HDAC2: variants seen among roughly 807,000 people sequenced by gnomAD.
The protein encoded by HDAC2 is histone deacetylase 2.
Under a neutral mutation model 68.5 loss-of-function variants are expected in HDAC2, and 5 were observed. The observed-to-expected ratio is 0.07, with a 90% CI of 0.04 to 0.15. The LOEUF is 0.15. HDAC2 is among the 10% of genes least tolerant of loss of function. The probability of loss-of-function intolerance (pLI) is 1.00; values close to 1 mark genes in which losing one functional copy is unlikely to be tolerated. For missense variants in HDAC2, 291 were observed against 600.8 expected, an observed-to-expected ratio of 0.48 and a Z score of 5.39; for synonymous variants, 182 against 191.3, an observed-to-expected ratio of 0.95 and a Z score of 0.40.
intron 1 of HDAC2, among the ~76,000 whole-genome samples, 174 bp from the exon 2 acceptor site, chr6:113,960,192 C>T (rs1225152006): frequency 6.6e-6 from 1 of 152,018 alleles, no homozygotes; most frequent in Non-Finnish European, 1.5e-5. Flanking sequence ...GACTAAGACG[C>T]TACGCACACT....
At chr6:113,959,602 A>T (rs1442523546) in intron 2 of HDAC2, 1 of 157,530 alleles carries the variant, frequency 6.3e-6, no homozygotes. Context: ...ATTGTAAAAA[A>T]AAAAAAAAAA....
In HDAC2 at chr6:113,944,254, T is replaced by C. The variant is rs116014206; in HGVS notation, c.1222+26A>G. ...CCATTTCAATTATCATTTTGACAAA[T>C]TGGAAAAATAAAGGCATTATCTTAC... is the stretch of plus-strand genomic sequence containing the variant. On this transcript the variant is annotated intron_variant, in intron 11 of 13. Transcript: ENST00000519065. 742 of 1,592,150 alleles carry C rather than the reference T, an allele frequency of 4.7e-4. 3 individuals carry two copies. In the African/African-American group the frequency reaches 8.8e-3, roughly 19 times the overall value.
At position 113,934,968 on chromosome 6, in the gene HDAC2, TATCAG is replaced by T. The variant is rs1245302246; in HGVS notation, c.*6085_*6089del. 6.6e-6 allele frequency: 1 copy of T among 152,224 alleles called. No individual in the cohort carries two copies. Among genetic ancestry groups the T allele is most frequent in the Non-Finnish European group, 1.5e-5 (1 of 68,042 alleles). The allele number at this position is 152,224 out of a possible 1,614,324, so 9.4% of individuals were successfully genotyped here. ...TCGCACCTACTTGCCCAAACTTTCT[TATCAG>T]ATGCTGAGTTGAAAAGAACATACCT... On this transcript the variant is annotated 3_prime_UTR_variant, in exon 14 of 14. Coordinates refer to ENST00000519065, the MANE Select transcript of HDAC2 (RefSeq NM_001527.4).
intron 4 of HDAC2, 43 bp downstream of exon 4, chr6:113,956,576 C>G (rs1776559932): frequency 7.5e-7 from 1 of 1,329,594 alleles, no homozygotes. Flanking sequence ...GATAACACAC[C>G]AAGTTCAGAT....
rs1436815919 is a variant in HDAC2, at chr6:113,936,865, A to T, written c.*4193T>A. On this transcript the variant is annotated 3_prime_UTR_variant, in exon 14 of 14. Coordinates refer to ENST00000519065, the MANE Select transcript of HDAC2 (RefSeq NM_001527.4). ...AAATTAGCCAGGTGTGGTGGTGCAC[A>T]CCTGTACTCCCAGCTGCTTGGGAGG... 2 of 151,958 alleles carry T rather than the reference A, an allele frequency of 1.3e-5. No homozygotes were observed. The highest frequency in any genetic ancestry group is 2.9e-5 in the Non-Finnish European group (2 of 68,022). 9.4% of individuals were successfully genotyped at this position (151,958 alleles called of 1,614,324 possible).
chr6:113,958,789 G>T, intron 2 of HDAC2, 23 bp from the exon 3 acceptor site: 1 of 1,312,892 alleles, frequency 7.6e-7, no homozygotes, highest in South Asian at 1.2e-5. Context: ...ATAAATGTCA[G>T]AACTGTGGAA....
rs372097170 is a variant in HDAC2, at chr6:113,946,164, T to G, written c.842-16A>C. The G allele has an allele frequency of 3.2e-4, 506 of 1,604,512 alleles. 6 individuals are homozygous for G. The South Asian group carries it at 5.5e-3, about 17-fold the overall frequency. On this transcript the variant is annotated splice_polypyrimidine_tract_variant and intron_variant, in intron 8 of 13. Coordinates refer to ENST00000519065, the MANE Select transcript of HDAC2 (RefSeq NM_001527.4). ...TTAGCATGACCTAAGACAAGAAGAT[T>G]TGGGTAACAACAAAATCTGCATACT...
intron 12 of HDAC2, 77 bp from the exon 13 acceptor site, chr6:113,941,842 T>G (rs899447623): frequency 2.4e-6 from 1 of 422,828 alleles, no homozygotes; most frequent in Non-Finnish European, 4.0e-6. Flanking sequence ...AAAATATACT[T>G]TATTTTTAAA....
chr6:113,962,926 T>C (rs538090060), intron 1 of HDAC2, among the ~76,000 whole-genome samples: 25 of 142,930 alleles, frequency 1.7e-4, no homozygotes, highest in African/African-American at 6.3e-4. Context: ...ATCGTGCCAC[T>C]GCACTCCAGC....
chr6:113,949,228 A>G lies in HDAC2; in HGVS notation c.672T>C (p.Ala224=), dbSNP rs1169634187. 3.1e-6 allele frequency: 5 copies of G among 1,605,198 alleles called. No individual in the cohort carries two copies. Among genetic ancestry groups the G allele is most frequent in the Non-Finnish European group, 4.3e-6 (5 of 1,171,976 alleles). The part of the protein sequence containing the change: ...DIGAGKGKYY[A]VNFPMRDGID... ...TACCATCTCTCATTGGAAAATTGAC[A>G]GCATAGTATTTGCCTTTTCCAGCAC... Residue 224 remains alanine, a synonymous_variant, in exon 7 of 14, where the codon GCT becomes GCC. Coordinates refer to ENST00000519065, the MANE Select transcript of HDAC2 (RefSeq NM_001527.4).
intron 1 of HDAC2, chr6:113,970,563 C>G: frequency 8.0e-7 from 1 of 1,247,058 alleles, no homozygotes; most frequent in South Asian, 2.9e-5. Flanking sequence ...CGGGGTAGGC[C>G]GGCGCCGTCC....
At chr6:113,942,628 T>C (rs1166487895) in intron 12 of HDAC2, among the ~76,000 whole-genome samples, 1 of 152,138 alleles carries the variant, frequency 6.6e-6, no homozygotes, top group African/African-American at 2.4e-5. Flanking sequence ...TTTAAGATAC[T>C]GTGTTCCCTA....
At chr6:113,942,086 G>A (rs1053137834) in intron 12 of HDAC2, among the ~76,000 whole-genome samples, 2 of 151,854 alleles carry the variant, frequency 1.3e-5, no homozygotes, top group African/African-American at 4.8e-5. Context: ...AGGCCCTATC[G>A]AAAGAGCCTC....
rs1775939083 is a variant in HDAC2, at chr6:113,933,723, G to A, written c.*7335C>T. On this transcript the variant is annotated 3_prime_UTR_variant, in exon 14 of 14. Coordinates refer to ENST00000519065, the MANE Select transcript of HDAC2 (RefSeq NM_001527.4). ...TTAATCCAGTGAAAGTAAGCAGAAT[G>A]GTGGCTGCTCCTTGTCTGACATTCT... The A allele has an allele frequency of 6.6e-6, 1 of 151,736 alleles. No homozygotes were observed. Among genetic ancestry groups the A allele is most frequent in the African/African-American group, 2.4e-5 (1 of 41,284 alleles). 9.4% of individuals were successfully genotyped at this position (151,736 alleles called of 1,614,324 possible).
chr6:113,948,349 A>G (rs1304881157), intron 8 of HDAC2: 1 of 152,296 alleles, frequency 6.6e-6, no homozygotes, highest in African/African-American at 2.4e-5. Flanking sequence ...ATAGTCATCC[A>G]AACATGAACA....
rs1776067635 is a variant in HDAC2, at chr6:113,939,058, T to C, written c.*2000A>G. On this transcript the variant is annotated 3_prime_UTR_variant, in exon 14 of 14. Coordinates refer to ENST00000519065, the MANE Select transcript of HDAC2 (RefSeq NM_001527.4). ...GTGTCAACAGGGGTAGATCAGAATA[T>C]TAAATGAAAAAAAGCAAAGGGCCTT... is the stretch of plus-strand genomic sequence containing the variant. The C allele has an allele frequency of 1.3e-5, 2 of 152,082 alleles. No homozygotes were observed. The highest frequency in any genetic ancestry group is 4.8e-5 in the African/African-American group (2 of 41,388). The allele number at this position is 152,082 out of a possible 1,614,324, so 9.4% of individuals were successfully genotyped here.
Position 113,941,719 on chromosome 6 carries a change from T to C in HDAC2, c.1425A>G (p.Thr475=). 1.4e-6 allele frequency: 2 copies of C among 1,414,652 alleles called. No homozygotes were observed. Among genetic ancestry groups the C allele is most frequent in the Non-Finnish European group, 9.7e-7 (1 of 1,029,146 alleles). The allele number at this position is 1,414,652 out of a possible 1,614,324, so 87.6% of individuals were successfully genotyped here. A position where few individuals can be genotyped will look rare whatever the true frequency, so the allele number is the denominator to read the frequency against. The change falls in exon 13 of 14, where the codon ACA becomes ACG. Residue 475 remains threonine (T), a synonymous_variant. Coordinates refer to ENST00000519065, the MANE Select transcript of HDAC2 (RefSeq NM_001527.4). ...GGAACATCATTTACCCTTTGGTATC[T>C]GTTTTTTCACCACTGTTGTCCTTGG... ...DKSKDNSGEK[T]DTKGTKSEQL...
At position 113,948,599 on chromosome 6, in the gene HDAC2, A is replaced by G. The variant is rs922378304; in HGVS notation, c.841+380T>C. The G allele has an allele frequency of 6.6e-5, 11 of 166,950 alleles. No homozygotes were observed. In the East Asian group the frequency reaches 1.9e-3, roughly 29 times the overall value. 10.3% of individuals were successfully genotyped at this position (166,950 alleles called of 1,614,324 possible). A position where few individuals can be genotyped will look rare whatever the true frequency, so the allele number is the denominator to read the frequency against. On this transcript the variant is annotated intron_variant, in intron 8 of 13. Transcript: ENST00000519065. ...TGATTTGTAAAAATAGAGGTATGGG[A>G]AGGGTACAAGTATGTTGTGGGCAAA... is the stretch of plus-strand genomic sequence containing the variant.
chr6:113,955,989 G>A, intron 5 of HDAC2, 24 bp downstream of exon 5: 2 of 1,536,026 alleles, frequency 1.3e-6, no homozygotes, highest in Non-Finnish European at 1.8e-6. Context: ...TCACTGAAAA[G>A]AGTATCAATA....
Sources: allele counts gnomAD v4.1 joint callset (sites outside exome capture counted in the v4.1 genomes callset), GRCh38; gene constraint gnomAD v4.1.1; transcripts MANE v1.5; gene names NCBI Gene and HGNC (gene_info 2026-07-23, HGNC 2026-07-21).